The following TOGARAM1 variants were observed in gnomAD, a reference collection of about 807,000 sequenced individuals.
The protein encoded by TOGARAM1 is TOG array regulator of axonemal microtubules protein 1.
Under a neutral mutation model 166.6 loss-of-function variants are expected in TOGARAM1, and 100 were observed. The ratio of observed to expected loss-of-function variants is 0.60; its 90% CI spans 0.51 to 0.71. The LOEUF (loss-of-function observed/expected upper bound fraction) is 0.71. Ranked by LOEUF, TOGARAM1 falls within the 30% of genes least tolerant of loss-of-function variation. The pLI is 0.00. For synonymous variants in TOGARAM1, 758 were observed against 763.8 expected (o/e 0.99, Z 0.13); for missense variants, 2,029 against 2,102.7 (o/e 0.96, Z 0.69).
At chr14:45,064,867 AGATT>A (rs1441048471) in intron 16 of TOGARAM1, among the ~76,000 whole-genome samples, 1 of 151,900 alleles carries the variant, frequency 6.6e-6, no homozygotes, top group Admixed American at 6.6e-5. Context: ...GCTTGGTATA[AGATT>A]GATTGAGAGG....
chr14:45,061,986 G>T (rs755189836), intron 16 of TOGARAM1, among the ~76,000 whole-genome samples: 2 of 152,020 alleles, frequency 1.3e-5, no homozygotes, highest in Admixed American at 1.3e-4. Context: ...CTCTGTCATT[G>T]AACATGCTCC....
At chr14:44,974,270 A>C (rs938296513) in intron 1 of TOGARAM1, among the ~76,000 whole-genome samples, 1 of 151,756 alleles carries the variant, frequency 6.6e-6, no homozygotes, top group African/African-American at 2.4e-5. Context: ...TACTTTCCCC[A>C]GCTATGTCCA....
intron 7 of TOGARAM1, among the ~76,000 whole-genome samples, chr14:45,024,318 A>T (rs1880700210): frequency 6.6e-6 from 1 of 152,176 alleles, no homozygotes; most frequent in Non-Finnish European, 1.5e-5. Context: ...TTTGAATTAG[A>T]TGGAAGTATT....
Position 45,048,845 on chromosome 14 carries a change from C to T in TOGARAM1, c.4313+2142C>T, listed in dbSNP as rs139535166. On this transcript the variant is annotated intron_variant, in intron 14 of 19. Transcript: ENST00000361462. ...TACAAAAATTAGCTGGGCGTGGTGGCGTGTGCCTATAATCCCAGCTACTCA... is the reference window on the plus strand; with the variant it reads ...TACAAAAATTAGCTGGGCGTGGTGGTGTGTGCCTATAATCCCAGCTACTCA... 6.3e-3 allele frequency among the ~76,000 whole-genome samples: 965 copies of T among 151,996 alleles called. 6 individuals carry two copies. Among genetic ancestry groups the T allele is most frequent in the African/African-American group, 0.022 (912 of 41,424 alleles).
chr14:45,022,969 A>T (rs534607213), intron 7 of TOGARAM1: 5 of 152,086 alleles, frequency 3.3e-5, no homozygotes, highest in Admixed American at 6.6e-5. Context: ...GGCATGGAGG[A>T]CTAGGTAAGC....
rs267603991 is a variant in TOGARAM1, at chr14:45,004,277, C to G, written c.2555C>G (p.Pro852Arg). Residue 852 changes from proline (P) to arginine (R), a missense_variant, in exon 4 of 20, where the codon CCT (proline) becomes CGT (arginine). Physicochemically the swap from Pro to Arg is moderately radical, Grantham distance 103. Transcript: ENST00000361462. ...DNSVNFSNSWPLKSFEGLSKP... is the reference protein window; with the variant it reads ...DNSVNFSNSWRLKSFEGLSKP... Reference sequence around the variant, plus strand: ...TCTGTTAATTTCTCAAATTCCTGGCCTCTTAAAAGCTTCGAAGGACTATCA... The same window carrying G: ...TCTGTTAATTTCTCAAATTCCTGGCGTCTTAAAAGCTTCGAAGGACTATCA... 2 of 1,614,050 alleles carry G rather than the reference C, an allele frequency of 1.2e-6. No individual in the cohort carries two copies. The highest frequency in any genetic ancestry group is 2.2e-5 in the South Asian group (2 of 91,080).
At chr14:45,043,369 C>T (rs1881823414) in intron 11 of TOGARAM1, among the ~76,000 whole-genome samples, 1 of 151,856 alleles carries the variant, frequency 6.6e-6, no homozygotes, top group Non-Finnish European at 1.5e-5. Context: ...GTAGAGACAG[C>T]GTTTCACCAT....
intron 3 of TOGARAM1, 84 bp from the exon 4 acceptor site, chr14:45,003,977 A>T: frequency 8.8e-7 from 1 of 1,135,904 alleles, no homozygotes; most frequent in Non-Finnish European, 1.2e-6. Context: ...TGAAAACCTG[A>T]ATGGGAAAAG....
Position 45,071,713 on chromosome 14 carries a change from CAATT to C in TOGARAM1, c.4973_4976del (p.Asn1658ThrfsTer14), listed in dbSNP as rs1239449594. On this transcript the variant is annotated frameshift_variant and splice_region_variant, in exon 19 of 20. Coordinates refer to ENST00000361462, the MANE Select transcript of TOGARAM1 (RefSeq NM_001308120.2). LOFTEE classifies it high-confidence loss of function. ...TGTCTCTGTGTTCTTTTTGTTTAGA[CAATT>C]ACTTACTTCTACAGCCATTTTGCAC... 5 of 1,605,694 alleles carry C rather than the reference CAATT, an allele frequency of 3.1e-6. No homozygotes were observed. The highest frequency in any genetic ancestry group is 1.7e-5 in the Admixed American group (1 of 58,892).
chr14:45,072,069 A>G (rs1315944257), intron 19 of TOGARAM1, among the ~76,000 whole-genome samples: 1 of 152,158 alleles, frequency 6.6e-6, no homozygotes, highest in Non-Finnish European at 1.5e-5. Context: ...CACTTGGAAA[A>G]TTGAGTAACA....
At chr14:45,055,866 A>G (rs1264674823) in intron 16 of TOGARAM1, among the ~76,000 whole-genome samples, 1 of 149,426 alleles carries the variant, frequency 6.7e-6, no homozygotes, top group Non-Finnish European at 1.5e-5. Context: ...TTTTTCCAAA[A>G]AAAGGTTCAG....
intron 8 of TOGARAM1, among the ~76,000 whole-genome samples, chr14:45,026,713 G>C (rs991184123): frequency 6.6e-6 from 1 of 151,658 alleles, no homozygotes; most frequent in African/African-American, 2.4e-5. Flanking sequence ...TAAACACCCA[G>C]CTCTGCCAGG....
In TOGARAM1 at chr14:44,963,882, A is replaced by AC; in HGVS notation, c.1461_1462insC (p.Glu488ArgfsTer16). 6.2e-7 allele frequency: 1 copy of AC among 1,613,974 alleles called. No homozygotes were observed. Among genetic ancestry groups the AC allele is most frequent in the Non-Finnish European group, 8.5e-7 (1 of 1,179,870 alleles). ...TCAAACATAAGCATTCCAGAGTGAG[A>AC]GAGGAGGTGGTGAACATTTGCATCT... On this transcript the variant is annotated frameshift_variant, in exon 1 of 20. Coordinates refer to ENST00000361462, the MANE Select transcript of TOGARAM1 (RefSeq NM_001308120.2). LOFTEE classifies it high-confidence loss of function.
chr14:45,067,936 T>G (rs1883208512), intron 17 of TOGARAM1, among the ~76,000 whole-genome samples: 1 of 152,102 alleles, frequency 6.6e-6, no homozygotes, highest in Non-Finnish European at 1.5e-5. Context: ...TAAGAGATAA[T>G]AATACAAATT....
chr14:44,974,249 A>C (rs1272075402), intron 1 of TOGARAM1, among the ~76,000 whole-genome samples: 1 of 151,750 alleles, frequency 6.6e-6, no homozygotes, highest in Non-Finnish European at 1.5e-5. Flanking sequence ...TCACATCCTC[A>C]AGCTCAGAGA....
intron 11 of TOGARAM1, among the ~76,000 whole-genome samples, chr14:45,039,370 C>T (rs1434462648): frequency 2.0e-5 from 3 of 152,166 alleles, no homozygotes; most frequent in Non-Finnish European, 4.4e-5. Flanking sequence ...AGCCCACTCC[C>T]ACAAGCTTCA....
chr14:44,989,325 TCTTTAG>T lies in TOGARAM1; in HGVS notation c.2047-6414_2047-6409del, dbSNP rs1410597843. Among the ~76,000 whole-genome samples the T allele has an allele frequency of 6.6e-5, 10 of 152,346 alleles. No homozygotes were observed. The East Asian group carries it at 1.7e-3, about 26-fold the overall frequency. ...TTAAATAAATGTTTTCACCATCCGTTCTTTAGCTTTAGAGTTCCGAAGTAATGTTAA... is the reference window on the plus strand; with the variant it reads ...TTAAATAAATGTTTTCACCATCCGTTCTTTAGAGTTCCGAAGTAATGTTAA... On this transcript the variant is annotated intron_variant, in intron 1 of 19. Coordinates refer to ENST00000361462, the MANE Select transcript of TOGARAM1 (RefSeq NM_001308120.2).
rs370625975 is a variant in TOGARAM1, at chr14:44,999,323, A to G, written c.2204-40A>G. 5 of 1,488,874 alleles carry G rather than the reference A, an allele frequency of 3.4e-6. No homozygotes were observed. In the African/African-American group the frequency reaches 7.0e-5, roughly 21 times the overall value. 92.2% of individuals were successfully genotyped at this position (1,488,874 alleles called of 1,614,324 possible). Reference sequence around the variant, plus strand: ...AAAATGTATTCATGAAATAAAGTTAACTTTTGCTTTTATGTTTTCTCCCTT... The same window carrying G: ...AAAATGTATTCATGAAATAAAGTTAGCTTTTGCTTTTATGTTTTCTCCCTT... On this transcript the variant is annotated intron_variant, in intron 2 of 19. Coordinates refer to ENST00000361462, the MANE Select transcript of TOGARAM1 (RefSeq NM_001308120.2).
At chr14:45,045,535 C>CTGTGTGTGTGTG (rs369196409) in intron 13 of TOGARAM1, among the ~76,000 whole-genome samples, 15 of 29,142 alleles carry the variant, frequency 5.1e-4, no homozygotes, top group African/African-American at 1.8e-3. Context: ...ATTCCATGGT[C>CTGTGTGTGTGTG]TGTGTGTGTA....
Sources: gnomAD v4.1 joint callset for allele counts (sites outside exome capture counted in the v4.1 genomes callset) on GRCh38, gnomAD v4.1.1 for gene constraint, MANE v1.5 for transcripts, NCBI Gene and HGNC (gene_info 2026-07-23, HGNC 2026-07-21) for gene names.